The following OXSR1 variants were observed in gnomAD, a reference collection of about 807,000 sequenced individuals.
OXSR1 encodes oxidative stress responsive kinase 1.
Under a neutral mutation model 79.8 loss-of-function variants are expected in OXSR1, and 24 were observed. That is an observed-to-expected ratio of 0.30 (90% CI 0.22 to 0.42). The LOEUF is 0.42. OXSR1 is among the 10% of genes least tolerant of loss of function. The probability of loss-of-function intolerance (pLI) is 1.00; values close to 1 mark genes in which losing one functional copy is unlikely to be tolerated. For synonymous variants in OXSR1, 226 were observed against 209.2 expected (o/e 1.08, Z -0.69); for missense variants, 430 against 618.4 (o/e 0.70, Z 3.23).
chr3:38,191,218 T>C (rs1250130613), intron 3 of OXSR1, among the ~76,000 whole-genome samples: 1 of 148,810 alleles, frequency 6.7e-6, no homozygotes, highest in Non-Finnish European at 1.5e-5. Context: ...GTTACTTTTA[T>C]CATTTAATTT....
At chr3:38,178,020 C>G (rs1380773250) in intron 1 of OXSR1, among the ~76,000 whole-genome samples, 1 of 152,232 alleles carries the variant, frequency 6.6e-6, no homozygotes, top group East Asian at 1.9e-4. Context: ...GCAATCTCAG[C>G]TCACTGCAAC....
At chr3:38,247,458 A>G (rs1703165692) in intron 13 of OXSR1, among the ~76,000 whole-genome samples, 1 of 152,100 alleles carries the variant, frequency 6.6e-6, no homozygotes, top group Non-Finnish European at 1.5e-5. Flanking sequence ...TTTCTTTCTC[A>G]TTGTGTTGGA....
At chr3:38,201,010 A>G (rs1169513584) in intron 4 of OXSR1, among the ~76,000 whole-genome samples, 5 of 152,152 alleles carry the variant, frequency 3.3e-5, no homozygotes, top group African/African-American at 1.2e-4. Flanking sequence ...GTGAGGTTGG[A>G]CACAGATTTA....
intron 6 of OXSR1, among the ~76,000 whole-genome samples, chr3:38,223,530 C>T (rs1286825332): frequency 4.6e-5 from 7 of 151,538 alleles, no homozygotes; most frequent in Non-Finnish European, 1.0e-4. Context: ...GCAACCTCTA[C>T]CTCCTGGGTT....
intron 8 of OXSR1, among the ~76,000 whole-genome samples, chr3:38,225,425 C>G (rs1027155067): frequency 2.6e-5 from 4 of 151,990 alleles, no homozygotes; most frequent in Non-Finnish European, 5.9e-5. Context: ...ATTTTTGTTT[C>G]TCTAAAGATC....
intron 8 of OXSR1, among the ~76,000 whole-genome samples, chr3:38,225,507 T>C (rs1702672047): frequency 6.6e-6 from 1 of 152,114 alleles, no homozygotes; most frequent in African/African-American, 2.4e-5. Context: ...GAATTTATTG[T>C]TGGAAATATT....
chr3:38,180,302 A>G (rs1701758668), intron 1 of OXSR1, among the ~76,000 whole-genome samples: 2 of 151,992 alleles, frequency 1.3e-5, no homozygotes, highest in Non-Finnish European at 2.9e-5. Context: ...GGTCAACTGT[A>G]CTCATTAGCT....
intron 4 of OXSR1, among the ~76,000 whole-genome samples, chr3:38,208,933 T>TTATTC (rs1395163405): frequency 2.0e-5 from 3 of 151,632 alleles, no homozygotes; most frequent in African/African-American, 7.2e-5. Flanking sequence ...AAAAATGCTG[T>TTATTC]TATTCTAAGA....
intron 8 of OXSR1, chr3:38,225,205 A>T (rs1702666581): frequency 6.6e-6 from 1 of 152,308 alleles, no homozygotes; most frequent in Non-Finnish European, 1.5e-5. Flanking sequence ...AACATCCGAT[A>T]TGTGTAACTT....
At chr3:38,234,671 A>G (rs1702882315) in intron 10 of OXSR1, among the ~76,000 whole-genome samples, 1 of 152,232 alleles carries the variant, frequency 6.6e-6, no homozygotes, top group Admixed American at 6.5e-5. Flanking sequence ...CCACTTTGGA[A>G]AGCAGTCTGG....
intron 1 of OXSR1, among the ~76,000 whole-genome samples, chr3:38,166,843 A>G (rs1008203365): frequency 2.8e-4 from 42 of 151,994 alleles, no homozygotes; most frequent in African/African-American, 9.9e-4. Context: ...AGTGCCATGA[A>G]GGAGATAAAC....
chr3:38,238,177 A>T (rs1399767067), intron 11 of OXSR1, among the ~76,000 whole-genome samples: 1 of 152,162 alleles, frequency 6.6e-6, no homozygotes, highest in Non-Finnish European at 1.5e-5. Flanking sequence ...CAGAATAAGT[A>T]GTTTTCTGTC....
intron 4 of OXSR1, among the ~76,000 whole-genome samples, chr3:38,213,420 A>C (rs1702425385): frequency 6.6e-6 from 1 of 152,176 alleles, no homozygotes; most frequent in Admixed American, 6.5e-5. Flanking sequence ...AACAAAGAAA[A>C]CGTGAAAAAC....
chr3:38,171,819 A>G (rs531251855), intron 1 of OXSR1, among the ~76,000 whole-genome samples: 1 of 152,342 alleles, frequency 6.6e-6, no homozygotes, highest in Admixed American at 6.5e-5. Context: ...CTTAGATTAG[A>G]ATTTCTGAGC....
chr3:38,182,735 G>A (rs1230729560), intron 1 of OXSR1, among the ~76,000 whole-genome samples: 6 of 152,166 alleles, frequency 3.9e-5, no homozygotes, highest in African/African-American at 1.4e-4. Flanking sequence ...GAGGAGAGGA[G>A]TGAGGAAATG....
rs760049080 is a variant in OXSR1, at chr3:38,247,639, A to G, written c.1258-29A>G. On this transcript the variant is annotated intron_variant, in intron 13 of 17. Transcript: ENST00000311806. ...ACCTCCCCACTTAATGTTTCAGGCAATGACTGTATACCTTTCAATGCTTTT... is the reference window on the plus strand; with the variant it reads ...ACCTCCCCACTTAATGTTTCAGGCAGTGACTGTATACCTTTCAATGCTTTT... 32 of 1,553,494 alleles carry G rather than the reference A, an allele frequency of 2.1e-5. No individual in the cohort carries two copies. In the Admixed American group the frequency reaches 5.4e-4, roughly 26 times the overall value.
chr3:38,209,491 T>C (rs568375811), intron 4 of OXSR1, among the ~76,000 whole-genome samples: 95 of 152,244 alleles, frequency 6.2e-4, no homozygotes, highest in African/African-American at 2.1e-3. Context: ...CTCGAACTCC[T>C]GGGTTCAAGC....
chr3:38,205,892 G>T (rs113036479), intron 4 of OXSR1, among the ~76,000 whole-genome samples: 1,939 of 152,236 alleles, frequency 0.013, 23 homozygotes, highest in Non-Finnish European at 0.017. Context: ...GCACTGAAAT[G>T]GTTGTTTTGT....
intron 10 of OXSR1, among the ~76,000 whole-genome samples, chr3:38,234,360 G>A (rs1356004600): frequency 6.6e-6 from 1 of 151,958 alleles, no homozygotes; most frequent in African/African-American, 2.4e-5. Context: ...ATATGATAAG[G>A]GACTTGTATC....
Sources: allele counts gnomAD v4.1 joint callset (sites outside exome capture counted in the v4.1 genomes callset), GRCh38; gene constraint gnomAD v4.1.1; transcripts MANE v1.5; gene names NCBI Gene and HGNC (gene_info 2026-07-23, HGNC 2026-07-21).